SV2C: variants seen among roughly 807,000 people sequenced by gnomAD.
SV2C encodes synaptic vesicle glycoprotein 2C.
Under a neutral mutation model 79.7 loss-of-function variants are expected in SV2C, and 49 were observed. The ratio of observed to expected loss-of-function variants is 0.61; its 90% CI spans 0.49 to 0.78. The LOEUF (loss-of-function observed/expected upper bound fraction) is 0.78, where lower values mean the gene tolerates loss of function less well. Ranked by LOEUF, SV2C falls within the 30% of genes least tolerant of loss-of-function variation. The pLI is 0.00. For missense variants in SV2C, 833 were observed against 912.9 expected, an observed-to-expected ratio of 0.91 and a Z score of 1.13; for synonymous variants, 334 against 333.2, an observed-to-expected ratio of 1.00 and a Z score of -0.03.
the SV2C span, among the ~76,000 whole-genome samples, chr5:75,858,852 AT>A: frequency 2.6e-5 from 4 of 151,572 alleles, no homozygotes; most frequent in Admixed American, 6.6e-5. Flanking sequence ...CTAGGAATTT[AT>A]TTTTCTATTC....
At chr5:75,866,894 C>T in the SV2C span, among the ~76,000 whole-genome samples, 1 of 152,088 alleles carries the variant, frequency 6.6e-6, no homozygotes, top group Non-Finnish European at 1.5e-5. Context: ...TTCTACCTAT[C>T]CCCTCTTAGG....
At chr5:75,870,973 T>C in the SV2C span, among the ~76,000 whole-genome samples, 1 of 152,182 alleles carries the variant, frequency 6.6e-6, no homozygotes, top group African/African-American at 2.4e-5. Context: ...TAACTTCACA[T>C]AAATAGAGAT....
At chr5:75,968,846 G>A in the SV2C span, among the ~76,000 whole-genome samples, 6 of 152,174 alleles carry the variant, frequency 3.9e-5, no homozygotes, top group African/African-American at 1.4e-4. Flanking sequence ...TACTCCTCGA[G>A]AAGAGCAACT....
chr5:76,280,367 T>C (rs1747148240), intron 4 of SV2C, among the ~76,000 whole-genome samples: 1 of 152,080 alleles, frequency 6.6e-6, no homozygotes, highest in Non-Finnish European at 1.5e-5. Flanking sequence ...TGGAAGAATC[T>C]ACACCTGAAG....
the SV2C span, chr5:75,911,531 G>A: frequency 1.5e-6 from 1 of 676,152 alleles, no homozygotes; most frequent in East Asian, 2.5e-5. Flanking sequence ...GTCTCCTTGG[G>A]GACTGAGACT....
At chr5:76,222,542 T>C (rs1293896370) in intron 4 of SV2C, among the ~76,000 whole-genome samples, 1 of 151,738 alleles carries the variant, frequency 6.6e-6, no homozygotes, top group Non-Finnish European at 1.5e-5. Context: ...GTTTTCAATA[T>C]GGTTATGTGA....
the SV2C span, among the ~76,000 whole-genome samples, chr5:75,969,510 C>T: frequency 1.8e-4 from 28 of 152,246 alleles, no homozygotes; most frequent in African/African-American, 6.0e-4. Context: ...CAAAAAAAGG[C>T]AGGCATTGCA....
chr5:76,089,884 T>C (rs1453023445), intron 1 of SV2C, among the ~76,000 whole-genome samples: 1 of 152,236 alleles, frequency 6.6e-6, no homozygotes, highest in Non-Finnish European at 1.5e-5. Context: ...TGGGATTGCA[T>C]GTAGAGACAG....
At chr5:76,034,249 C>T in the SV2C span, among the ~76,000 whole-genome samples, 1 of 152,044 alleles carries the variant, frequency 6.6e-6, no homozygotes, top group East Asian at 1.9e-4. Context: ...TTTCCTTCTC[C>T]TGCCTGATTG....
At chr5:75,986,695 T>C in the SV2C span, among the ~76,000 whole-genome samples, 12 of 152,056 alleles carry the variant, frequency 7.9e-5, no homozygotes, top group Non-Finnish European at 1.6e-4. Context: ...CAAATACCAC[T>C]GGTTCCATTC....
At chr5:76,302,549 G>C (rs1748045987) in intron 12 of SV2C, among the ~76,000 whole-genome samples, 1 of 145,480 alleles carries the variant, frequency 6.9e-6, no homozygotes, top group African/African-American at 2.5e-5. Context: ...AGAATGGCTT[G>C]AACCTGGGAG....
the SV2C span, among the ~76,000 whole-genome samples, chr5:75,982,153 C>T: frequency 1.3e-4 from 20 of 150,314 alleles, no homozygotes; most frequent in Admixed American, 1.1e-3. Context: ...GTGGGTGCAG[C>T]GCACCAGCAT....
chr5:76,294,055 C>A (rs1333590807), intron 8 of SV2C, among the ~76,000 whole-genome samples: 3 of 152,136 alleles, frequency 2.0e-5, no homozygotes, highest in Non-Finnish European at 2.9e-5. Context: ...GAGGACTCCC[C>A]TGCCAAAGTT....
At chr5:76,227,097 CGAT>C (rs530015734) in intron 4 of SV2C, among the ~76,000 whole-genome samples, 81 of 152,248 alleles carry the variant, frequency 5.3e-4, no homozygotes, top group African/African-American at 1.9e-3. Context: ...GATTGGCAGG[CGAT>C]GACACCTTAC....
chr5:76,055,583 T>C, the SV2C span, among the ~76,000 whole-genome samples: 107 of 152,350 alleles, frequency 7.0e-4, 2 homozygotes, highest in African/African-American at 2.6e-3. Flanking sequence ...TAAATTACTT[T>C]GGGCAGTATG....
At chr5:75,899,819 A>G in the SV2C span, among the ~76,000 whole-genome samples, 1 of 151,942 alleles carries the variant, frequency 6.6e-6, no homozygotes, top group Non-Finnish European at 1.5e-5. Flanking sequence ...ATCAGTATGT[A>G]ATGGCCTTCT....
At chr5:76,316,480 G>T (rs1748623024) in intron 12 of SV2C, among the ~76,000 whole-genome samples, 2 of 152,186 alleles carry the variant, frequency 1.3e-5, no homozygotes, top group South Asian at 4.1e-4. Context: ...AGGTGATTCT[G>T]ATGCACCCAA....
chr5:76,143,453 G>A (rs1034288632), intron 2 of SV2C, among the ~76,000 whole-genome samples: 6 of 152,214 alleles, frequency 3.9e-5, no homozygotes, highest in African/African-American at 1.4e-4. Flanking sequence ...TCTGTGCTGT[G>A]TGACACTGTC....
chr5:76,062,092 A>T, the SV2C span, among the ~76,000 whole-genome samples: 1 of 152,052 alleles, frequency 6.6e-6, no homozygotes, highest in Non-Finnish European at 1.5e-5. Flanking sequence ...TGCCATTTCA[A>T]TCTAATAGAA....
Sources: gnomAD v4.1 joint callset for allele counts (sites outside exome capture counted in the v4.1 genomes callset) on GRCh38, gnomAD v4.1.1 for gene constraint, MANE v1.5 for transcripts, NCBI Gene and HGNC (gene_info 2026-07-23, HGNC 2026-07-21) for gene names.